The following CEP126 variants were observed in gnomAD, a reference collection of about 807,000 sequenced individuals.
CEP126 encodes the protein centrosomal protein of 126 kDa.
Under a neutral mutation model 107.8 loss-of-function variants are expected in CEP126, and 74 were observed. The ratio of observed to expected loss-of-function variants is 0.69; its 90% CI spans 0.57 to 0.83. The LOEUF (loss-of-function observed/expected upper bound fraction) is 0.83. CEP126 is among the 40% of genes least tolerant of loss of function. The probability of loss-of-function intolerance (pLI) is 0.00; values close to 1 mark genes in which losing one functional copy is unlikely to be tolerated. For synonymous variants in CEP126, 449 were observed against 446.0 expected (o/e 1.01, Z -0.08); for missense variants, 1,237 against 1,281.9 (o/e 0.96, Z 0.53).
rs1405977276 is a variant in CEP126, at chr11:102,000,786, G to T, written c.*3143G>T. 1 of 152,038 alleles carries T rather than the reference G, an allele frequency of 6.6e-6. No individual in the cohort carries two copies. The highest frequency in any genetic ancestry group is 1.5e-5 in the Non-Finnish European group (1 of 67,996). The allele number at this position is 152,038 out of a possible 1,614,324, so 9.4% of individuals were successfully genotyped here. A position where few individuals can be genotyped will look rare whatever the true frequency, so the allele number is the denominator to read the frequency against. On this transcript the variant is annotated 3_prime_UTR_variant, in exon 11 of 11. Coordinates refer to ENST00000263468, the MANE Select transcript of CEP126 (RefSeq NM_020802.4). Reference sequence around the variant, plus strand: ...TTTAAACACATTTCCGAGAGGCAGGGCAACTAATAACTGGTCAGAAAAATT... The same window carrying T: ...TTTAAACACATTTCCGAGAGGCAGGTCAACTAATAACTGGTCAGAAAAATT...
Position 101,987,060 on chromosome 11 carries a change from C to A in CEP126, c.3244+19C>A, listed in dbSNP as rs1312420011. The A allele has an allele frequency of 2.0e-6, 3 of 1,473,696 alleles. No individual in the cohort carries two copies. Among genetic ancestry groups the A allele is most frequent in the Admixed American group, 3.5e-5 (2 of 56,448 alleles). 91.3% of individuals were successfully genotyped at this position (1,473,696 alleles called of 1,614,324 possible). Reference sequence around the variant, plus strand: ...CTACATTGTAAGTATGGAAGAACACCTTTTATAAGAAATACTGCATTTATA... The same window carrying A: ...CTACATTGTAAGTATGGAAGAACACATTTTATAAGAAATACTGCATTTATA... On this transcript the variant is annotated intron_variant, in intron 9 of 10. Coordinates refer to ENST00000263468, the MANE Select transcript of CEP126 (RefSeq NM_020802.4).
chr11:101,969,847 A>C lies in CEP126; in HGVS notation c.2845+5967A>C, dbSNP rs1460222140. Among the ~76,000 whole-genome samples the C allele has an allele frequency of 2.0e-5, 3 of 152,336 alleles. No homozygotes were observed. In the East Asian group the frequency reaches 5.8e-4, roughly 29 times the overall value. On this transcript the variant is annotated intron_variant, in intron 6 of 10. Transcript: ENST00000263468. ...AGGTGGCACTGTATAGCAGGGACAA[A>C]GAGTTCATCTTATAATTCATCAATA...
At chr11:101,980,754 T>A (rs1259927430) in intron 7 of CEP126, among the ~76,000 whole-genome samples, 1 of 152,168 alleles carries the variant, frequency 6.6e-6, no homozygotes, top group East Asian at 1.9e-4. Flanking sequence ...GCCCATGACA[T>A]CTATATGGAG....
At chr11:101,991,085 A>C (rs1160225393) in intron 9 of CEP126, among the ~76,000 whole-genome samples, 1 of 152,000 alleles carries the variant, frequency 6.6e-6, no homozygotes, top group African/African-American at 2.4e-5. Flanking sequence ...CTGAGGTGGG[A>C]GGATAACCTG....
Position 101,962,675 on chromosome 11 carries a change from C to G in CEP126, c.1640C>G (p.Ser547Cys), listed in dbSNP as rs1310784216. ...KQKLAETSSL[S>C]NVTSNYDFVG... ...AAATTAGCTGAAACATCATCCTTGTCTAATGTAACTTCTAATTATGACTTT... is the reference window on the plus strand; with the variant it reads ...AAATTAGCTGAAACATCATCCTTGTGTAATGTAACTTCTAATTATGACTTT... The change falls in exon 6 of 11, where the codon TCT becomes TGT. Residue 547 changes from serine to cysteine, a missense_variant. By Grantham distance (112) the Ser-to-Cys change is moderately radical. This residue lies in a region of CEP126 where 1,134 missense variants were observed against 1,150.5 expected (regional missense o/e 0.99). Coordinates refer to ENST00000263468, the MANE Select transcript of CEP126 (RefSeq NM_020802.4). 4 of 1,613,020 alleles carry G rather than the reference C, an allele frequency of 2.5e-6. No homozygotes were observed. The highest frequency in any genetic ancestry group is 2.2e-5 in the East Asian group (1 of 44,818).
intron 1 of CEP126, among the ~76,000 whole-genome samples, chr11:101,917,606 A>G (rs1028057836): frequency 6.7e-6 from 1 of 149,334 alleles, no homozygotes; most frequent in African/African-American, 2.4e-5. Context: ...TGGAATTTAA[A>G]AAAAAAAAAA....
chr11:101,948,802 A>G (rs1308985734), intron 4 of CEP126, among the ~76,000 whole-genome samples: 1 of 152,222 alleles, frequency 6.6e-6, no homozygotes, highest in Non-Finnish European at 1.5e-5. Context: ...GATAAGTGAA[A>G]TAGTGCTTCA....
intron 3 of CEP126, among the ~76,000 whole-genome samples, chr11:101,947,008 C>G (rs1483909053): frequency 2.6e-5 from 4 of 152,078 alleles, no homozygotes; most frequent in African/African-American, 9.7e-5. Flanking sequence ...GCAGACTATC[C>G]TGTAGCTTTG....
intron 4 of CEP126, chr11:101,956,407 T>G: frequency 2.2e-6 from 1 of 456,316 alleles, no homozygotes; most frequent in Non-Finnish European, 4.4e-6. Flanking sequence ...TGGATCCTTT[T>G]CAGTCAGTCC....
In CEP126 at chr11:101,915,335, T is replaced by C. The variant is rs1340264171; in HGVS notation, c.51T>C (p.Thr17=). 6.2e-7 allele frequency: 1 copy of C among 1,613,970 alleles called. No homozygotes were observed. Among genetic ancestry groups the C allele is most frequent in the East Asian group, 2.2e-5 (1 of 44,876 alleles). Residue 17 remains threonine, a synonymous_variant, in exon 1 of 11, where the codon ACT becomes ACC. Coordinates refer to ENST00000263468, the MANE Select transcript of CEP126 (RefSeq NM_020802.4). ...GTRSAVGELG[T]ESSDNLDRAP... ...GGAGCGCGGTCGGGGAACTGGGCAC[T>C]GAATCATCGGACAACCTCGACAGAG...
chr11:101,996,123 C>T (rs1054689285), intron 10 of CEP126, among the ~76,000 whole-genome samples: 1 of 152,242 alleles, frequency 6.6e-6, no homozygotes, highest in Non-Finnish European at 1.5e-5. Flanking sequence ...TGACTACAGG[C>T]CCTGCTGACC....
chr11:101,963,428 T>C lies in CEP126; in HGVS notation c.2393T>C (p.Ile798Thr), dbSNP rs578039628. ...NIFTQAQGKL[I>T]IPCPPPQSTS... ...TTTACACAAGCTCAGGGAAAATTAATTATACCTTGTCCTCCTCCTCAATCT... is the reference window on the plus strand; with the variant it reads ...TTTACACAAGCTCAGGGAAAATTAACTATACCTTGTCCTCCTCCTCAATCT... The change falls in exon 6 of 11, where the codon ATT becomes ACT. Residue 798 changes from isoleucine (I) to threonine (T), a missense_variant. Ile to Thr is a moderately conservative substitution (Grantham distance 89, BLOSUM62 -1). This residue lies in a region of CEP126 where 1,134 missense variants were observed against 1,150.5 expected (regional missense o/e 0.99). Coordinates refer to ENST00000263468, the MANE Select transcript of CEP126 (RefSeq NM_020802.4). The C allele has an allele frequency of 2.5e-6, 4 of 1,614,146 alleles. No individual in the cohort carries two copies. The East Asian group carries it at 8.9e-5, about 36-fold the overall frequency.
chr11:101,960,943 A>G (rs1281504678), intron 5 of CEP126, among the ~76,000 whole-genome samples: 1 of 152,096 alleles, frequency 6.6e-6, no homozygotes, highest in African/African-American at 2.4e-5. Flanking sequence ...AAATATTTTT[A>G]AACATTTACC....
At chr11:101,942,495 T>A (rs1242707983) in intron 2 of CEP126, among the ~76,000 whole-genome samples, 2 of 151,886 alleles carry the variant, frequency 1.3e-5, no homozygotes, top group East Asian at 3.8e-4. Context: ...AGTACTACAC[T>A]GCTTTGATTA....
chr11:101,979,906 G>A (rs1941236387), intron 7 of CEP126, among the ~76,000 whole-genome samples: 1 of 152,060 alleles, frequency 6.6e-6, no homozygotes, highest in African/African-American at 2.4e-5. Flanking sequence ...ATTTCACTTG[G>A]AATTTCCACT....
chr11:101,922,718 A>T lies in CEP126; in HGVS notation c.206A>T (p.Asn69Ile). The T allele has an allele frequency of 1.2e-6, 2 of 1,612,964 alleles. No homozygotes were observed. The highest frequency in any genetic ancestry group is 2.2e-5 in the South Asian group (2 of 91,066). ...ILLQQQKICR[N>I]RARKYFVESN... ...CTGCAGCAACAAAAAATATGTCGAA[A>T]TCGAGCACGTAAATATTTTGTGGAG... Residue 69 changes from asparagine to isoleucine, a missense_variant, in exon 2 of 11, where the codon AAT becomes ATT. Coordinates refer to ENST00000263468, the MANE Select transcript of CEP126 (RefSeq NM_020802.4).
rs1031966480 is a variant in CEP126, at chr11:101,976,417, C to G, written c.2846-1930C>G. ...CCTATGGCCCTTAGAACAATACCTGCCAAATTATAAATGCTAATTAAATAT... is the reference window on the plus strand; with the variant it reads ...CCTATGGCCCTTAGAACAATACCTGGCAAATTATAAATGCTAATTAAATAT... On this transcript the variant is annotated intron_variant, in intron 6 of 10. Transcript: ENST00000263468. 1.2e-4 allele frequency among the ~76,000 whole-genome samples: 18 copies of G among 151,972 alleles called. No individual in the cohort carries two copies. In the East Asian group the frequency reaches 1.7e-3, roughly 15 times the overall value.
chr11:101,954,543 G>T (rs1291037592), intron 4 of CEP126, among the ~76,000 whole-genome samples: 1 of 152,018 alleles, frequency 6.6e-6, no homozygotes, highest in Non-Finnish European at 1.5e-5. Flanking sequence ...GATCTTCATT[G>T]TGCATTAGAA....
In CEP126 at chr11:101,915,138, A is replaced by T; in HGVS notation, c.-147A>T. 1 of 1,213,930 alleles carries T rather than the reference A, an allele frequency of 8.2e-7. No homozygotes were observed. The allele number at this position is 1,213,930 out of a possible 1,614,324, so 75.2% of individuals were successfully genotyped here. ...GCACCAGTGCCGCTGCGCGGGAGCT[A>T]GGGCTGTCGAGGCCAACCCTTCCGC... On this transcript the variant is annotated 5_prime_UTR_variant, in exon 1 of 11. Transcript: ENST00000263468.
Sources: gnomAD v4.1 joint callset for allele counts (sites outside exome capture counted in the v4.1 genomes callset) on GRCh38, gnomAD v4.1.1 for gene constraint, gnomAD v4.1.1 regional missense constraint, MANE v1.5 for transcripts, NCBI Gene and HGNC (gene_info 2026-07-23, HGNC 2026-07-21) for gene names.